Variants in FSTL5 observed in about 807,000 individuals in gnomAD.
The protein encoded by FSTL5 is follistatin-related protein 5.
FSTL5 carries 62 observed loss-of-function variants against 89.1 expected under a neutral mutation model. The ratio of observed to expected loss-of-function variants is 0.70; its 90% CI spans 0.57 to 0.86. The LOEUF (loss-of-function observed/expected upper bound fraction) is 0.86. Among genes scored for constraint, FSTL5 ranks in the 40% least tolerant of loss-of-function variants. FSTL5 has a pLI of 0.00. For missense variants in FSTL5, 1,057 were observed against 1,001.6 expected, an observed-to-expected ratio of 1.06 and a Z score of -0.75; for synonymous variants, 383 against 346.2, an observed-to-expected ratio of 1.11 and a Z score of -1.18.
chr4:161,756,615 C>T (rs1397861584), intron 6 of FSTL5, among the ~76,000 whole-genome samples: 1 of 151,788 alleles, frequency 6.6e-6, no homozygotes, highest in Non-Finnish European at 1.5e-5. Context: ...ACTGATGTAC[C>T]TTGTTTTCTT....
chr4:161,918,254 C>T (rs1332975783), intron 4 of FSTL5, among the ~76,000 whole-genome samples: 2 of 152,120 alleles, frequency 1.3e-5, no homozygotes, highest in Non-Finnish European at 2.9e-5. Context: ...TTATTTACTC[C>T]TTTCTGATGA....
intron 1 of FSTL5, among the ~76,000 whole-genome samples, chr4:162,112,634 C>G (rs1731488331): frequency 6.6e-6 from 1 of 152,096 alleles, no homozygotes. Flanking sequence ...TAACTTCTCT[C>G]CTCTACTTTC....
chr4:161,964,140 G>A lies in FSTL5; in HGVS notation c.161-43488C>T, dbSNP rs76558188. Among the ~76,000 whole-genome samples the A allele has an allele frequency of 6.7e-3, 1,022 of 151,808 alleles. 11 individuals carry two copies. The highest frequency in any genetic ancestry group is 0.023 in the African/African-American group (965 of 41,434). On this transcript the variant is annotated intron_variant, in intron 3 of 15. Coordinates refer to ENST00000306100, the MANE Select transcript of FSTL5 (RefSeq NM_020116.5). ...TTCTGATGTGATCCTGAAATATGAC[G>A]GATAATAAATAAAGACACTAAATTG...
In FSTL5 at chr4:161,919,942, A is replaced by T. The variant is rs140057925; in HGVS notation, c.409+462T>A. 4.7e-3 allele frequency among the ~76,000 whole-genome samples: 710 copies of T among 152,308 alleles called. 3 individuals are homozygous for T. Among genetic ancestry groups the T allele is most frequent in the African/African-American group, 0.017 (690 of 41,568 alleles). On this transcript the variant is annotated intron_variant, in intron 4 of 15. Coordinates refer to ENST00000306100, the MANE Select transcript of FSTL5 (RefSeq NM_020116.5). ...TAGCATGAGTTCTTCTAGTTATTTC[A>T]GTGGGCAACTACTGGTTCCTTATAA...
At chr4:161,686,880 ATAATT>A (rs1011602031) in intron 6 of FSTL5, among the ~76,000 whole-genome samples, 1 of 152,148 alleles carries the variant, frequency 6.6e-6, no homozygotes, top group Admixed American at 6.5e-5. Context: ...GCCAAATTTA[ATAATT>A]TAATTTATAT....
chr4:161,653,533 T>C (rs1324968587), intron 7 of FSTL5, among the ~76,000 whole-genome samples: 1 of 152,118 alleles, frequency 6.6e-6, no homozygotes, highest in Admixed American at 6.6e-5. Flanking sequence ...AGAATTGCCA[T>C]AACATTGACA....
At chr4:161,579,711 T>C (rs912106956) in intron 8 of FSTL5, among the ~76,000 whole-genome samples, 1 of 131,694 alleles carries the variant, frequency 7.6e-6, no homozygotes, top group African/African-American at 2.9e-5. Flanking sequence ...CGCAAGACCA[T>C]TTCAAAAAAC....
At chr4:161,784,354 G>C (rs1741802730) in intron 4 of FSTL5, among the ~76,000 whole-genome samples, 1 of 151,930 alleles carries the variant, frequency 6.6e-6, no homozygotes, top group Non-Finnish European at 1.5e-5. Context: ...ACTTTTGGTA[G>C]TAAAAATATA....
At chr4:161,846,353 G>T (rs973832740) in intron 4 of FSTL5, among the ~76,000 whole-genome samples, 7 of 151,790 alleles carry the variant, frequency 4.6e-5, no homozygotes, top group African/African-American at 1.7e-4. Flanking sequence ...TTAAATTTGT[G>T]TTACAAATTC....
intron 7 of FSTL5, among the ~76,000 whole-genome samples, chr4:161,642,605 T>C (rs1736004362): frequency 6.6e-6 from 1 of 152,130 alleles, no homozygotes. Context: ...TATATTTTAA[T>C]AAAAGTTTCA....
At chr4:161,694,758 G>A (rs572002766) in intron 6 of FSTL5, among the ~76,000 whole-genome samples, 1 of 149,852 alleles carries the variant, frequency 6.7e-6, no homozygotes, top group African/African-American at 2.4e-5. Flanking sequence ...CTGGAAATCA[G>A]ATTTTTCTCT....
intron 1 of FSTL5, among the ~76,000 whole-genome samples, chr4:162,154,775 A>C (rs2110744682): frequency 6.6e-6 from 1 of 152,284 alleles, no homozygotes; most frequent in South Asian, 2.1e-4. Flanking sequence ...TGGATCAATT[A>C]ATTTATATAT....
chr4:161,688,242 C>G (rs1737810103), intron 6 of FSTL5, among the ~76,000 whole-genome samples: 2 of 152,064 alleles, frequency 1.3e-5, no homozygotes, highest in African/African-American at 4.8e-5. Context: ...GCCTCCACAC[C>G]CAGCTAATAT....
rs181110835 is a variant in FSTL5 at position 161,490,571 on chromosome 4, A to G, written c.1459-9402T>C. Among the ~76,000 whole-genome samples, 6 of 152,234 alleles carry G rather than the reference A, an allele frequency of 3.9e-5. No individual in the cohort carries two copies. In the East Asian group the frequency reaches 1.2e-3, roughly 29 times the overall value. On this transcript the variant is annotated intron_variant, in intron 12 of 15. Transcript: ENST00000306100. ...TTTTTCCTGTGGCACATAATCTTAC[A>G]ATACAGATGGTGCTTAGTTCTTGCA...
Position 161,538,236 on chromosome 4 carries a change from G to A in FSTL5, c.1242C>T (p.Ile414=), listed in dbSNP as rs777513850. 16 of 1,613,896 alleles carry A rather than the reference G, an allele frequency of 9.9e-6. No homozygotes were observed. In the South Asian group the frequency reaches 1.2e-4, roughly 12 times the overall value. ...RYEDTGAYTC[I]AKNEAGVDED... ...CATCCACTCCTGCTTCATTCTTTGC[G>A]ATACAAGTGTATGCTCCAGTATCTT... Residue 414 remains isoleucine, a synonymous_variant, in exon 10 of 16, where the codon ATC becomes ATT. Coordinates refer to ENST00000306100, the MANE Select transcript of FSTL5 (RefSeq NM_020116.5).
chr4:162,159,507 C>T (rs183156256), intron 1 of FSTL5, among the ~76,000 whole-genome samples: 22 of 151,994 alleles, frequency 1.4e-4, no homozygotes, highest in African/African-American at 5.3e-4. Context: ...ATACCAAAAG[C>T]CACATTAAAT....
chr4:161,687,654 G>T (rs189010399), intron 6 of FSTL5, among the ~76,000 whole-genome samples: 30 of 152,258 alleles, frequency 2.0e-4, no homozygotes, highest in Admixed American at 7.8e-4. Flanking sequence ...CTTAATGGGG[G>T]CATATGTGTC....
At chr4:161,618,812 C>G (rs1734993603) in intron 7 of FSTL5, among the ~76,000 whole-genome samples, 1 of 152,154 alleles carries the variant, frequency 6.6e-6, no homozygotes, top group Non-Finnish European at 1.5e-5. Context: ...CTACCAATGA[C>G]TTTCTTCACA....
intron 7 of FSTL5, among the ~76,000 whole-genome samples, chr4:161,631,940 A>G (rs952820728): frequency 6.6e-6 from 1 of 152,180 alleles, no homozygotes; most frequent in African/African-American, 2.4e-5. Context: ...ACCATTTCTC[A>G]TTTAAAGTTC....
Sources: gnomAD v4.1 joint callset for allele counts (sites outside exome capture counted in the v4.1 genomes callset) on GRCh38, gnomAD v4.1.1 for gene constraint, MANE v1.5 for transcripts, NCBI Gene and HGNC (gene_info 2026-07-23, HGNC 2026-07-21) for gene names.